Variants in FAM184A observed in about 807,000 individuals in gnomAD.
The protein encoded by FAM184A is protein FAM184A.
In FAM184A, 99 loss-of-function variants were observed where a neutral mutation model predicts 143.8. The ratio of observed to expected loss-of-function variants is 0.69; its 90% CI spans 0.58 to 0.81. FAM184A has a LOEUF of 0.81. FAM184A is among the 40% of genes least tolerant of loss of function. FAM184A has a pLI of 0.00. For missense variants in FAM184A, 1,217 were observed against 1,310.5 expected, an observed-to-expected ratio of 0.93 and a Z score of 1.10; for synonymous variants, 427 against 446.4, an observed-to-expected ratio of 0.96 and a Z score of 0.55.
chr6:119,022,830 T>G, intron 3 of FAM184A, 115 bp downstream of exon 3: 1 of 1,253,384 alleles, frequency 8.0e-7, no homozygotes, highest in Non-Finnish European at 1.1e-6. Context: ...TGAGCCGAGA[T>G]TGAGCCACTG....
chr6:119,025,730 T>G, intron 1 of FAM184A: 1 of 430,540 alleles, frequency 2.3e-6, no homozygotes, highest in Non-Finnish European at 4.5e-6. Context: ...ATGAGCCCAC[T>G]TTCTTCCCCC....
chr6:119,129,103 T>A (rs1056857389), intron 1 of FAM184A, among the ~76,000 whole-genome samples: 2 of 152,214 alleles, frequency 1.3e-5, no homozygotes, highest in Non-Finnish European at 2.9e-5. Context: ...AATCTACCTA[T>A]AACCTGGAAG....
intron 14 of FAM184A, among the ~76,000 whole-genome samples, chr6:118,967,702 C>T (rs915441913): frequency 6.6e-6 from 1 of 152,108 alleles, no homozygotes. Flanking sequence ...CAAATGGAAA[C>T]TGCTGGCTTA....
chr6:119,059,990 T>C (rs1268260460), intron 1 of FAM184A, among the ~76,000 whole-genome samples: 2 of 152,232 alleles, frequency 1.3e-5, no homozygotes, highest in Non-Finnish European at 2.9e-5. Flanking sequence ...ATTTAATAGG[T>C]ATAAATTGGT....
chr6:119,105,940 T>C (rs1029073502), intron 1 of FAM184A, among the ~76,000 whole-genome samples: 1 of 152,186 alleles, frequency 6.6e-6, no homozygotes, highest in Non-Finnish European at 1.5e-5. Flanking sequence ...CGTGAAGATA[T>C]CAGTCATGAA....
In FAM184A at chr6:119,016,803, T is replaced by C. The variant is rs764550544; in HGVS notation, c.1474A>G (p.Met492Val). 5 of 1,614,192 alleles carry C rather than the reference T, an allele frequency of 3.1e-6. No homozygotes were observed. The Admixed American group carries it at 8.3e-5, about 27-fold the overall frequency. ...TLEELAWKHHMAIEAVHSNAI... is the reference protein window; with the variant it reads ...TLEELAWKHHVAIEAVHSNAI... ...TTACTGTGGACAGCTTCAATTGCCA[T>C]ATGGTGCTTCCAAGCTAATTCTTCC... is the stretch of plus-strand genomic sequence containing the variant. Residue 492 changes from methionine to valine, a missense_variant, in exon 5 of 18, where the codon ATG becomes GTG. Physicochemically the swap from Met to Val is conservative, Grantham distance 21. Coordinates refer to ENST00000338891, the MANE Select transcript of FAM184A (RefSeq NM_024581.6).
intron 1 of FAM184A, among the ~76,000 whole-genome samples, chr6:119,139,495 C>T (rs1772137132): frequency 6.6e-6 from 1 of 152,066 alleles, no homozygotes; most frequent in Non-Finnish European, 1.5e-5. Flanking sequence ...AAATTAGGCA[C>T]TTTAAAGAAA....
chr6:119,074,187 A>G (rs573171259), intron 1 of FAM184A, among the ~76,000 whole-genome samples: 1 of 152,180 alleles, frequency 6.6e-6, no homozygotes, highest in Admixed American at 6.5e-5. Flanking sequence ...AATCAAGTAA[A>G]AGTTTGCTGC....
chr6:119,146,397 CGTGTGTGTGTGT>C lies in FAM184A; in HGVS notation c.-202+2669_-202+2680del, dbSNP rs60937351. Reference sequence around the variant, plus strand: ...TTCAGTGCCTTTCCCGATTAACTTACGTGTGTGTGTGTGTGTGTGTGTGTGTGTGTGTGTGTG... The same window carrying C: ...TTCAGTGCCTTTCCCGATTAACTTACGTGTGTGTGTGTGTGTGTGTGTGTG... On this transcript the variant is annotated intron_variant, in intron 1 of 16. Transcript: ENST00000352896. Among the ~76,000 whole-genome samples, 128 of 136,392 alleles carry C rather than the reference CGTGTGTGTGTGT, an allele frequency of 9.4e-4. 1 individual carries two copies. Among genetic ancestry groups the C allele is most frequent in the Middle Eastern group, 3.6e-3 (1 of 280 alleles). 89.5% of individuals were successfully genotyped at this position (136,392 alleles called of 152,430 possible). A position where few individuals can be genotyped will look rare whatever the true frequency, so the allele number is the denominator to read the frequency against.
chr6:118,969,992 T>TATAAAA (rs10643600), intron 14 of FAM184A, among the ~76,000 whole-genome samples: 2 of 15,028 alleles, frequency 1.3e-4, no homozygotes, highest in Admixed American at 8.8e-4. Flanking sequence ...TATATATATA[T>TATAAAA]AATATATATA....
intron 1 of FAM184A, among the ~76,000 whole-genome samples, chr6:119,029,944 A>G (rs998093890): frequency 5.9e-5 from 9 of 152,134 alleles, no homozygotes; most frequent in Non-Finnish European, 1.2e-4. Flanking sequence ...TCCTGTTCTA[A>G]TCTATACATA....
At chr6:119,074,434 T>A (rs1298806098) in intron 1 of FAM184A, among the ~76,000 whole-genome samples, 1 of 152,222 alleles carries the variant, frequency 6.6e-6, no homozygotes, top group Non-Finnish European at 1.5e-5. Flanking sequence ...GTACTGGGCA[T>A]TTTAATTTTA....
chr6:119,011,347 C>G lies in FAM184A; in HGVS notation c.1615G>C (p.Glu539Gln), dbSNP rs1785082799. ...QLQQELENLK[E>Q]VLEDKLNTAN... ...GTATTCAACTTGTCTTCCAGTACTT[C>G]CTTTAGGTTTTCTAGCTCTTGTTGA... The change falls in exon 6 of 18, where the codon GAA (glutamate) becomes CAA (glutamine). Residue 539 changes from glutamate (E) to glutamine (Q), a missense_variant. Coordinates refer to ENST00000338891, the MANE Select transcript of FAM184A (RefSeq NM_024581.6). 2 of 1,608,662 alleles carry G rather than the reference C, an allele frequency of 1.2e-6. No individual in the cohort carries two copies. Among genetic ancestry groups the G allele is most frequent in the African/African-American group, 2.7e-5 (2 of 74,694 alleles).
intron 1 of FAM184A, among the ~76,000 whole-genome samples, chr6:119,037,441 C>T (rs1786155681): frequency 6.6e-6 from 1 of 152,152 alleles, no homozygotes; most frequent in South Asian, 2.1e-4. Flanking sequence ...GCTGGGACTA[C>T]AAGCATGTGC....
intron 1 of FAM184A, among the ~76,000 whole-genome samples, chr6:119,051,458 A>C (rs773231101): frequency 1.3e-5 from 2 of 152,222 alleles, no homozygotes; most frequent in Non-Finnish European, 2.9e-5. Flanking sequence ...AATAAGACTT[A>C]CTATTTGATA....
rs781376182 is a variant in FAM184A, at chr6:119,024,646, T to A, written c.327A>T (p.Gln109His). 1 of 1,614,112 alleles carries A rather than the reference T, an allele frequency of 6.2e-7. No homozygotes were observed. Among genetic ancestry groups the A allele is most frequent in the Non-Finnish European group, 8.5e-7 (1 of 1,180,014 alleles). ...GATCTTCTAATGATGATTCTAAAAC[T>A]TGAATCTTTCTTCTAAGGTCTAGCT... is the stretch of plus-strand genomic sequence containing the variant. ...TEELDLRRKI[Q>H]VLESSLEDHI... is the part of the protein sequence containing the mutation. The change falls in exon 2 of 18, where the codon CAA becomes CAT. Residue 109 changes from glutamine (Q) to histidine (H), a missense_variant. Coordinates refer to ENST00000338891, the MANE Select transcript of FAM184A (RefSeq NM_024581.6).
intron 1 of FAM184A, among the ~76,000 whole-genome samples, chr6:119,069,692 T>G (rs1787609664): frequency 6.6e-6 from 1 of 152,148 alleles, no homozygotes; most frequent in Admixed American, 6.5e-5. Flanking sequence ...GCACTGATGA[T>G]CCTAACAATG....
chr6:119,129,568 G>A (rs945820083), intron 1 of FAM184A, among the ~76,000 whole-genome samples: 3 of 152,210 alleles, frequency 2.0e-5, no homozygotes, highest in Non-Finnish European at 4.4e-5. Context: ...CCACTAGGGG[G>A]AACCAGAGGG....
intron 1 of FAM184A, among the ~76,000 whole-genome samples, chr6:119,125,460 A>T (rs1188096100): frequency 6.6e-6 from 1 of 152,090 alleles, no homozygotes; most frequent in Non-Finnish European, 1.5e-5. Context: ...TTTAGTAGAG[A>T]TGAGGTTTCA....
Sources: gnomAD v4.1 joint callset for allele counts (sites outside exome capture counted in the v4.1 genomes callset) on GRCh38, gnomAD v4.1.1 for gene constraint, MANE v1.5 for transcripts, NCBI Gene and HGNC (gene_info 2026-07-23, HGNC 2026-07-21) for gene names.